Variants in NAA25 observed in about 807,000 individuals in gnomAD.
NAA25 encodes the protein N-terminal acetyltransferase B complex subunit NAA25.
NAA25 carries 30 observed loss-of-function variants against 132.5 expected under a neutral mutation model. The observed-to-expected ratio is 0.23, with a 90% CI of 0.17 to 0.31. The LOEUF is 0.31. Ranked by LOEUF, NAA25 falls within the 10% of genes least tolerant of loss-of-function variation. The probability of loss-of-function intolerance (pLI) is 1.00; values close to 1 mark genes in which losing one functional copy is unlikely to be tolerated. For synonymous variants in NAA25, 359 were observed against 401.9 expected (o/e 0.89, Z 1.28); for missense variants, 771 against 1,150.4 (o/e 0.67, Z 4.77).
chr12:112,056,648 C>T (rs559816658), intron 13 of NAA25, among the ~76,000 whole-genome samples: 4 of 152,342 alleles, frequency 2.6e-5, no homozygotes, highest in African/African-American at 9.6e-5. Flanking sequence ...ATGCCCTCAT[C>T]AACTTTCTAT....
chr12:112,048,978 C>A (rs570727766), intron 15 of NAA25, among the ~76,000 whole-genome samples: 1 of 150,900 alleles, frequency 6.6e-6, no homozygotes, highest in African/African-American at 2.4e-5. Flanking sequence ...ATGAGCATTA[C>A]GTCAGGATAG....
At chr12:112,055,530 A>T (rs1294824774) in intron 13 of NAA25, among the ~76,000 whole-genome samples, 1 of 152,120 alleles carries the variant, frequency 6.6e-6, no homozygotes, top group Non-Finnish European at 1.5e-5. Flanking sequence ...CCTCGTCTCT[A>T]CTAAAAACAT....
intron 1 of NAA25, among the ~76,000 whole-genome samples, chr12:112,102,904 C>T (rs372747336): frequency 2.2e-4 from 34 of 152,196 alleles, no homozygotes; most frequent in African/African-American, 7.5e-4. Flanking sequence ...CGGTGAGACT[C>T]GTCTCAAACT....
Position 112,062,526 on chromosome 12 carries a change from A to G in NAA25, c.1150-1138T>C, listed in dbSNP as rs184957343. On this transcript the variant is annotated intron_variant, in intron 11 of 23. Transcript: ENST00000261745. ...GATTGCCTGAGGTCAGGGGTTCGAG[A>G]CCTCCCTGGCCAACACAGTGAAACC... is the stretch of plus-strand genomic sequence containing the variant. Among the ~76,000 whole-genome samples the G allele has an allele frequency of 2.7e-3, 405 of 151,892 alleles. 6 individuals carry two copies. The highest frequency in any genetic ancestry group is 9.6e-3 in the African/African-American group (396 of 41,442).
intron 5 of NAA25, 82 bp downstream of exon 5, chr12:112,080,978 C>T: frequency 8.3e-7 from 1 of 1,198,574 alleles, no homozygotes; most frequent in Non-Finnish European, 1.2e-6. Flanking sequence ...ACAAAAAAAA[C>T]CAGTTCAGAA....
intron 1 of NAA25, among the ~76,000 whole-genome samples, chr12:112,093,966 C>T (rs1007516869): frequency 2.0e-5 from 3 of 151,458 alleles, no homozygotes; most frequent in African/African-American, 4.9e-5. Flanking sequence ...ATGGCTAGGA[C>T]GGTCAAGAAT....
chr12:112,045,523 G>A (rs944569113), intron 17 of NAA25, among the ~76,000 whole-genome samples: 4 of 150,458 alleles, frequency 2.7e-5, no homozygotes, highest in South Asian at 2.1e-4. Context: ...GGCTGGTTGC[G>A]ATAGCTCACA....
At chr12:112,074,341 CAAAAA>C (rs34077129) in intron 9 of NAA25, among the ~76,000 whole-genome samples, 2 of 34,912 alleles carry the variant, frequency 5.7e-5, no homozygotes, top group South Asian at 1.1e-3. Flanking sequence ...AACTCCATCT[CAAAAA>C]AAAAAAAAAA....
intron 13 of NAA25, among the ~76,000 whole-genome samples, chr12:112,056,961 G>T (rs376970384): frequency 1.3e-5 from 2 of 151,994 alleles, no homozygotes; most frequent in Non-Finnish European, 2.9e-5. Context: ...AGGCTGAGGC[G>T]GGCGGATCAC....
chr12:112,078,499 T>C, intron 6 of NAA25, 135 bp downstream of exon 6: 1 of 807,080 alleles, frequency 1.2e-6, no homozygotes, highest in South Asian at 1.8e-5. Context: ...GCTGAGGGCT[T>C]CAGATTTACC....
At chr12:112,031,238 G>A (rs1325751197) in intron 23 of NAA25, among the ~76,000 whole-genome samples, 1 of 152,150 alleles carries the variant, frequency 6.6e-6, no homozygotes, top group Non-Finnish European at 1.5e-5. Flanking sequence ...ACAGTCCAGA[G>A]GCCTTATTCA....
At chr12:112,066,275 T>G (rs554316220) in intron 11 of NAA25, among the ~76,000 whole-genome samples, 25 of 152,306 alleles carry the variant, frequency 1.6e-4, no homozygotes, top group Middle Eastern at 6.8e-3. Flanking sequence ...AGCAAGACAA[T>G]AAGCACTGTA....
In NAA25 at chr12:112,060,220, T is replaced by A. The variant is rs576785729; in HGVS notation, c.1447+50A>T. 9 of 1,219,250 alleles carry A rather than the reference T, an allele frequency of 7.4e-6. No homozygotes were observed. The East Asian group carries it at 2.1e-4, about 28-fold the overall frequency. The allele number at this position is 1,219,250 out of a possible 1,614,324, so 75.5% of individuals were successfully genotyped here. On this transcript the variant is annotated intron_variant, in intron 13 of 23. Coordinates refer to ENST00000261745, the MANE Select transcript of NAA25 (RefSeq NM_024953.4). ...GTCTAATGAAAGAATGCAGTACTTATAATCAATAAAAGCAAAAAGTAAAGT... is the reference window on the plus strand; with the variant it reads ...GTCTAATGAAAGAATGCAGTACTTAAAATCAATAAAAGCAAAAAGTAAAGT...
intron 23 of NAA25, among the ~76,000 whole-genome samples, chr12:112,031,395 CTT>C (rs1338705848): frequency 6.6e-6 from 1 of 152,218 alleles, no homozygotes; most frequent in Non-Finnish European, 1.5e-5. Flanking sequence ...TGAAACATGA[CTT>C]TAACAACATA....
intron 22 of NAA25, among the ~76,000 whole-genome samples, chr12:112,038,814 T>C (rs2078262050): frequency 6.6e-6 from 1 of 152,050 alleles, no homozygotes; most frequent in African/African-American, 2.4e-5. Context: ...ATCCCGTCTG[T>C]ACTAAAATAC....
At position 112,090,706 on chromosome 12, in the gene NAA25, A is replaced by G. The variant is rs1566030553; in HGVS notation, c.283+20T>C. The G allele has an allele frequency of 6.3e-7, 1 of 1,594,110 alleles. No individual in the cohort carries two copies. The highest frequency in any genetic ancestry group is 8.5e-7 in the Non-Finnish European group (1 of 1,174,488). Reference sequence around the variant, plus strand: ...AATTTTCAGCTCAAGTTTAAAAACAATGAAAAGAAAGAAACATACGTCGGT... The same window carrying G: ...AATTTTCAGCTCAAGTTTAAAAACAGTGAAAAGAAAGAAACATACGTCGGT... On this transcript the variant is annotated intron_variant, in intron 3 of 23. Transcript: ENST00000261745.
chr12:112,033,294 T>C lies in NAA25; in HGVS notation c.2735A>G (p.Glu912Gly). The change falls in exon 23 of 24, where the codon GAA becomes GGA. Residue 912 changes from glutamate (E) to glycine (G), a missense_variant. Glu to Gly is a moderately conservative substitution (Grantham distance 98). This residue lies in a region of NAA25 where 324 missense variants were observed against 400.0 expected (regional missense o/e 0.81). Coordinates refer to ENST00000261745, the MANE Select transcript of NAA25 (RefSeq NM_024953.4). ...SNVVDHIKGL[E>G]THLIALKLEE... ...AAGTTTAAGTGCAATTAGATGTGTT[T>C]CAAGCCCTTTAATATGATCCACAAC... 6.2e-7 allele frequency: 1 copy of C among 1,613,506 alleles called. No homozygotes were observed. The highest frequency in any genetic ancestry group is 8.5e-7 in the Non-Finnish European group (1 of 1,179,786).
rs2079117393 is a variant in NAA25 at position 112,090,792 on chromosome 12, C to T, written c.217G>A (p.Ala73Thr). The change falls in exon 3 of 24, where the codon GCC (alanine) becomes ACC (threonine). Residue 73 changes from alanine to threonine, a missense_variant. Ala to Thr is a moderately conservative substitution (Grantham distance 58). This residue lies in a region of NAA25 where 417 missense variants were observed against 733.8 expected (regional missense o/e 0.57). Coordinates refer to ENST00000261745, the MANE Select transcript of NAA25 (RefSeq NM_024953.4). ...EAFTLAQEVAALEPTDDNSLQ... is the reference protein window; with the variant it reads ...EAFTLAQEVATLEPTDDNSLQ... ...GAGTTGTCATCTGTGGGTTCAAGGGCTGCCACCTCCTGTGCAAGAGTAAAG... is the reference window on the plus strand; with the variant it reads ...GAGTTGTCATCTGTGGGTTCAAGGGTTGCCACCTCCTGTGCAAGAGTAAAG... 1 of 1,613,940 alleles carries T rather than the reference C, an allele frequency of 6.2e-7. No individual in the cohort carries two copies. The highest frequency in any genetic ancestry group is 8.5e-7 in the Non-Finnish European group (1 of 1,179,860).
At chr12:112,099,346 G>C (rs1212643554) in intron 1 of NAA25, among the ~76,000 whole-genome samples, 2 of 151,624 alleles carry the variant, frequency 1.3e-5, no homozygotes, top group African/African-American at 4.9e-5. Context: ...TCAGAATCTG[G>C]TTAATAACAT....
Sources: gnomAD v4.1 joint callset for allele counts (sites outside exome capture counted in the v4.1 genomes callset) on GRCh38, gnomAD v4.1.1 for gene constraint, gnomAD v4.1.1 regional missense constraint, MANE v1.5 for transcripts, NCBI Gene and HGNC (gene_info 2026-07-23, HGNC 2026-07-21) for gene names.